The following PDS5A variants were observed in gnomAD, a reference collection of about 807,000 sequenced individuals.
PDS5A encodes sister chromatid cohesion protein PDS5 homolog A.
Under a neutral mutation model 167.1 loss-of-function variants are expected in PDS5A, and 42 were observed. The ratio of observed to expected loss-of-function variants is 0.25; its 90% CI spans 0.20 to 0.33. PDS5A has a LOEUF of 0.33. Among genes scored for constraint, PDS5A ranks in the 10% least tolerant of loss-of-function variants. PDS5A has a pLI of 1.00. For synonymous variants in PDS5A, 553 were observed against 554.6 expected, an observed-to-expected ratio of 1.00 and a Z score of 0.04; for missense variants, 1,033 against 1,605.9, an observed-to-expected ratio of 0.64 and a Z score of 6.10.
intron 26 of PDS5A, among the ~76,000 whole-genome samples, chr4:39,859,622 T>C (rs1718818175): frequency 6.6e-6 from 1 of 152,168 alleles, no homozygotes; most frequent in East Asian, 1.9e-4. Context: ...ATGCCACCAC[T>C]GGTAAGAGAA....
rs35361618 is a variant in PDS5A, at chr4:39,943,123, TACACACACACACACACAC to T, written c.139-14977_139-14960del. 6.5e-3 allele frequency among the ~76,000 whole-genome samples: 943 copies of T among 144,928 alleles called. 6 individuals are homozygous for T. The highest frequency in any genetic ancestry group is 0.013 in the South Asian group (60 of 4,538). ...TTGCATTTGGCAAAAACTATGCAAA[TACACACACACACACACAC>T]ACACACACACACACACACACACACA... On this transcript the variant is annotated intron_variant, in intron 2 of 32. Coordinates refer to ENST00000303538, the MANE Select transcript of PDS5A (RefSeq NM_001100399.2).
Position 39,917,064 on chromosome 4 carries a change from A to G in PDS5A, c.860T>C (p.Leu287Pro). 2 of 1,513,082 alleles carry G rather than the reference A, an allele frequency of 1.3e-6. No individual in the cohort carries two copies. Among genetic ancestry groups the G allele is most frequent in the African/African-American group, 1.4e-5 (1 of 69,338 alleles). The allele number at this position is 1,513,082 out of a possible 1,614,324, so 93.7% of individuals were successfully genotyped here. A position where few individuals can be genotyped will look rare whatever the true frequency, so the allele number is the denominator to read the frequency against. ...PHLLLSVMPQ[L>P]EFKLKSNDGE... ...CAATCTTACCTTTAGTTTGAATTCA[A>G]GCTGTGGCATGACGGATAATAATAA... Residue 287 changes from leucine to proline, a missense_variant, in exon 8 of 33, where the codon CTT (leucine) becomes CCT (proline). Leu to Pro is a moderately conservative substitution (Grantham distance 98, BLOSUM62 -3). Around this residue, in one of 4 missense-constraint regions of PDS5A, gnomAD observed 388 missense variants for 615.1 expected, o/e 0.63. Transcript: ENST00000303538.
intron 31 of PDS5A, among the ~76,000 whole-genome samples, chr4:39,838,442 C>A (rs1429048044): frequency 2.0e-5 from 3 of 152,224 alleles, no homozygotes; most frequent in Non-Finnish European, 4.4e-5. Flanking sequence ...AAAGCAAAGG[C>A]TGGGAACAGT....
chr4:39,939,445 C>T (rs754976215), intron 2 of PDS5A, among the ~76,000 whole-genome samples: 1 of 151,546 alleles, frequency 6.6e-6, no homozygotes, highest in African/African-American at 2.4e-5. Context: ...CCAGCCTGGG[C>T]GACAGAGTGA....
chr4:39,906,037 C>T (rs1428880672), intron 11 of PDS5A, among the ~76,000 whole-genome samples: 1 of 150,758 alleles, frequency 6.6e-6, no homozygotes, highest in East Asian at 1.9e-4. Flanking sequence ...GAAAATTAAA[C>T]TATCAGTCCA....
At chr4:39,917,013 A>T (rs1560481398) in intron 8 of PDS5A, 35 bp downstream of exon 8, 26 of 1,205,904 alleles carry the variant, frequency 2.2e-5, no homozygotes, top group Middle Eastern at 2.5e-4. Context: ...AAACAAAAAA[A>T]TTAAAAAAAA....
chr4:39,849,067 T>C (rs1352157357), intron 27 of PDS5A, 97 bp from the exon 28 acceptor site: 7 of 858,554 alleles, frequency 8.2e-6, no homozygotes, highest in Admixed American at 2.8e-5. Context: ...AAAAGAAGGA[T>C]ACTGTGGTTG....
intron 29 of PDS5A, among the ~76,000 whole-genome samples, chr4:39,845,595 T>G (rs1439287138): frequency 6.6e-6 from 1 of 152,216 alleles, no homozygotes; most frequent in African/African-American, 2.4e-5. Flanking sequence ...GTAAATAAAC[T>G]GTGCTTAACA....
At chr4:39,827,282 C>T (rs1412671385) in intron 32 of PDS5A, among the ~76,000 whole-genome samples, 1 of 152,182 alleles carries the variant, frequency 6.6e-6, no homozygotes, top group Non-Finnish European at 1.5e-5. Context: ...CAGGCATGAA[C>T]CACTGGACCC....
At chr4:39,973,672 G>A (rs768020702) in intron 2 of PDS5A, 8 of 1,292,736 alleles carry the variant, frequency 6.2e-6, no homozygotes, top group Non-Finnish European at 9.0e-6. Context: ...ACCATCGTAT[G>A]TAGCTTTAGC....
At chr4:39,930,246 A>AAAAAAAAAAAAAAAAAAAAAAAAAAATTT in intron 2 of PDS5A, among the ~76,000 whole-genome samples, 1 of 93,090 alleles carries the variant, frequency 1.1e-5, no homozygotes, top group African/African-American at 3.7e-5. Context: ...AAAAAAAAAA[A>AAAAAAAAAAAAAAAAAAAAAAAAAAATTT]GTTTTTTTGT....
At chr4:39,913,852 C>T (rs1724109816) in intron 8 of PDS5A, 126 bp from the exon 9 acceptor site, 2 of 632,132 alleles carry the variant, frequency 3.2e-6, no homozygotes, top group South Asian at 3.7e-5. Context: ...TTTAAAATAT[C>T]ATATGTCCTC....
In PDS5A at chr4:39,928,230, AT is replaced by A; in HGVS notation, c.139-67del. 1.8e-5 allele frequency: 19 copies of A among 1,061,182 alleles called. No individual in the cohort carries two copies. In the African/African-American group the frequency reaches 2.1e-4, roughly 12 times the overall value. The allele number at this position is 1,061,182 out of a possible 1,614,324, so 65.7% of individuals were successfully genotyped here. A position where few individuals can be genotyped will look rare whatever the true frequency, so the allele number is the denominator to read the frequency against. ...AATTTAGAAATCAGTGGAGGATGTG[AT>A]TTAAAAAAAAAAAAGTCATCTCCAT... is the stretch of plus-strand genomic sequence containing the variant. On this transcript the variant is annotated intron_variant, in intron 2 of 32. Transcript: ENST00000303538.
At chr4:39,919,558 T>C (rs1007119478) in intron 7 of PDS5A, among the ~76,000 whole-genome samples, 1 of 152,148 alleles carries the variant, frequency 6.6e-6, no homozygotes, top group Admixed American at 6.6e-5. Context: ...GGCAGCAGAA[T>C]GGCGTCAACC....
intron 2 of PDS5A, among the ~76,000 whole-genome samples, chr4:39,931,758 G>A (rs1218104437): frequency 6.6e-6 from 1 of 152,060 alleles, no homozygotes; most frequent in African/African-American, 2.4e-5. Context: ...GTGTTGCAGG[G>A]GACTATACAA....
intron 2 of PDS5A, chr4:39,973,773 C>T: frequency 7.8e-7 from 1 of 1,284,960 alleles, no homozygotes; most frequent in Non-Finnish European, 1.1e-6. Context: ...ATGTAATCAA[C>T]CCCTACCAGC....
At chr4:39,861,100 T>C (rs900602708) in intron 26 of PDS5A, among the ~76,000 whole-genome samples, 4 of 151,290 alleles carry the variant, frequency 2.6e-5, no homozygotes, top group African/African-American at 7.3e-5. Flanking sequence ...AATGAAGATC[T>C]TATACAGGCA....
intron 2 of PDS5A, among the ~76,000 whole-genome samples, chr4:39,960,568 A>T (rs1729388423): frequency 6.6e-6 from 1 of 151,870 alleles, no homozygotes; most frequent in South Asian, 2.1e-4. Flanking sequence ...TTTTTAAGAG[A>T]CAGGGTCTTC....
At chr4:39,970,653 T>C (rs150580823) in intron 2 of PDS5A, among the ~76,000 whole-genome samples, 23 of 152,002 alleles carry the variant, frequency 1.5e-4, no homozygotes, top group Admixed American at 3.3e-4. Flanking sequence ...TAAACTGCCC[T>C]GTGACTGATT....
Sources: allele counts gnomAD v4.1 joint callset (sites outside exome capture counted in the v4.1 genomes callset), GRCh38; gene constraint gnomAD v4.1.1; regional missense constraint gnomAD v4.1.1; transcripts MANE v1.5; gene names NCBI Gene and HGNC (gene_info 2026-07-23, HGNC 2026-07-21).